Variants in GPR39 observed in about 807,000 individuals in gnomAD.
GPR39 encodes zinc sensing receptor.
GPR39 carries 23 observed loss-of-function variants against 18.4 expected under a neutral mutation model. That is an observed-to-expected ratio of 1.25 (90% CI 0.90 to 1.77). The LOEUF (loss-of-function observed/expected upper bound fraction) is 1.77. Among genes scored for constraint, GPR39 ranks in the 40% most tolerant of loss-of-function variants. GPR39 has a pLI of 0.00. For synonymous variants in GPR39, 280 were observed against 257.9 expected, an observed-to-expected ratio of 1.09 and a Z score of -0.82; for missense variants, 647 against 602.4, an observed-to-expected ratio of 1.07 and a Z score of -0.78.
chr2:132,504,945 T>G (rs7575622), intron 1 of GPR39, among the ~76,000 whole-genome samples: 66,960 of 152,154 alleles, frequency 0.44, 15,576 homozygotes, highest in Non-Finnish European at 0.5. Flanking sequence ...TCCACATTTG[T>G]TGGAAATCTG....
intron 1 of GPR39, among the ~76,000 whole-genome samples, chr2:132,513,209 C>A (rs979854940): frequency 6.6e-6 from 1 of 152,202 alleles, no homozygotes; most frequent in Admixed American, 6.5e-5. Context: ...TATGGCCTAG[C>A]CCCAGAAGTA....
At chr2:132,453,101 T>C (rs1179055845) in intron 1 of GPR39, among the ~76,000 whole-genome samples, 1 of 152,192 alleles carries the variant, frequency 6.6e-6, no homozygotes, top group Non-Finnish European at 1.5e-5. Flanking sequence ...CCACCAACAG[T>C]GTAAAAGTGT....
At chr2:132,531,076 A>G (rs1573649838) in intron 1 of GPR39, among the ~76,000 whole-genome samples, 1 of 152,352 alleles carries the variant, frequency 6.6e-6, no homozygotes, top group East Asian at 1.9e-4. Context: ...ATAAAGAGTC[A>G]AGACCCATCA....
At chr2:132,513,115 C>T (rs577454211) in intron 1 of GPR39, among the ~76,000 whole-genome samples, 21 of 152,196 alleles carry the variant, frequency 1.4e-4, no homozygotes, top group African/African-American at 3.4e-4. Flanking sequence ...ATGTGGTCTC[C>T]GTGTGACACA....
At chr2:132,571,951 C>T (rs1429505067) in intron 1 of GPR39, among the ~76,000 whole-genome samples, 1 of 152,124 alleles carries the variant, frequency 6.6e-6, no homozygotes, top group Non-Finnish European at 1.5e-5. Flanking sequence ...GAGGAATGGG[C>T]TCAGTTTCTA....
At chr2:132,513,592 A>G (rs1679278911) in intron 1 of GPR39, among the ~76,000 whole-genome samples, 2 of 152,272 alleles carry the variant, frequency 1.3e-5, no homozygotes, top group African/African-American at 4.8e-5. Context: ...GCAAAAGCGC[A>G]CATATACTGT....
chr2:132,589,884 AAGGGG>A (rs1206513506), intron 1 of GPR39, among the ~76,000 whole-genome samples: 1 of 152,198 alleles, frequency 6.6e-6, no homozygotes, highest in Non-Finnish European at 1.5e-5. Context: ...TTATTAAGGG[AAGGGG>A]GAAGGTGAGA....
intron 1 of GPR39, chr2:132,644,815 C>A: frequency 2.6e-6 from 1 of 380,774 alleles, no homozygotes; most frequent in South Asian, 5.9e-5. Context: ...CCAATGAAAA[C>A]ATTTTTTTAA....
chr2:132,515,819 G>A (rs1679322986), intron 1 of GPR39, among the ~76,000 whole-genome samples: 1 of 152,034 alleles, frequency 6.6e-6, no homozygotes. Flanking sequence ...ACTAAACAGG[G>A]CTTGCTAAGT....
At chr2:132,494,992 T>C (rs893454661) in intron 1 of GPR39, among the ~76,000 whole-genome samples, 7 of 152,072 alleles carry the variant, frequency 4.6e-5, no homozygotes, top group African/African-American at 7.2e-5. Flanking sequence ...CCTGAGGGGA[T>C]AGGGGAAGTG....
intron 1 of GPR39, chr2:132,523,973 C>T (rs1679467558): frequency 6.5e-6 from 1 of 152,676 alleles, no homozygotes; most frequent in South Asian, 2.1e-4. Context: ...ATCAGCATCA[C>T]CCAGGAACTT....
chr2:132,515,867 T>A (rs1335933733), intron 1 of GPR39, among the ~76,000 whole-genome samples: 1 of 152,184 alleles, frequency 6.6e-6, no homozygotes, highest in Admixed American at 6.5e-5. Context: ...TAACCTTTTG[T>A]CCTCTGATTG....
intron 1 of GPR39, among the ~76,000 whole-genome samples, chr2:132,451,382 T>C (rs1680630873): frequency 6.6e-6 from 1 of 152,236 alleles, no homozygotes; most frequent in Non-Finnish European, 1.5e-5. Flanking sequence ...GTAAGCTCTT[T>C]GAAGGCAGAG....
At chr2:132,566,621 C>T (rs1475597232) in intron 1 of GPR39, among the ~76,000 whole-genome samples, 2 of 152,122 alleles carry the variant, frequency 1.3e-5, no homozygotes, top group Non-Finnish European at 1.5e-5. Flanking sequence ...CAACATTGTT[C>T]GGGTGGCACA....
rs186234961 is a variant in GPR39 at position 132,423,558 on chromosome 2, G to A, written c.856+5660G>A. ...CTGGCTCTCTTCCCCCATGCTGCCTGTGTATGGGTTGTTTCCTCTGCCTGG... is the reference window on the plus strand; with the variant it reads ...CTGGCTCTCTTCCCCCATGCTGCCTATGTATGGGTTGTTTCCTCTGCCTGG... On this transcript the variant is annotated intron_variant, in intron 1 of 1. Transcript: ENST00000329321. Among the ~76,000 whole-genome samples, 689 of 152,192 alleles carry A rather than the reference G, an allele frequency of 4.5e-3. 4 individuals carry two copies. The highest frequency in any genetic ancestry group is 0.016 in the African/African-American group (644 of 41,518).
At chr2:132,629,680 T>C (rs1304377324) in intron 1 of GPR39, among the ~76,000 whole-genome samples, 7 of 152,214 alleles carry the variant, frequency 4.6e-5, no homozygotes. Context: ...AGCCCAAGTT[T>C]CTGTGATTCG....
chr2:132,623,204 C>T (rs757445763), intron 1 of GPR39, among the ~76,000 whole-genome samples: 1 of 152,156 alleles, frequency 6.6e-6, no homozygotes, highest in Non-Finnish European at 1.5e-5. Context: ...AGTCAGAGCT[C>T]AGTCCTCAAG....
At chr2:132,537,681 A>T (rs1679784159) in intron 1 of GPR39, among the ~76,000 whole-genome samples, 1 of 152,008 alleles carries the variant, frequency 6.6e-6, no homozygotes, top group African/African-American at 2.4e-5. Flanking sequence ...CAGGTACACC[A>T]ATCAATCGTA....
chr2:132,474,532 C>G (rs922326355), intron 1 of GPR39, among the ~76,000 whole-genome samples: 1 of 152,202 alleles, frequency 6.6e-6, no homozygotes, highest in African/African-American at 2.4e-5. Context: ...CTGATGACAA[C>G]CTTCAGCTCA....
Sources: gnomAD v4.1 joint callset for allele counts (sites outside exome capture counted in the v4.1 genomes callset) on GRCh38, gnomAD v4.1.1 for gene constraint, MANE v1.5 for transcripts, NCBI Gene and HGNC (gene_info 2026-07-23, HGNC 2026-07-21) for gene names.